SOHLH1: variants seen among roughly 807,000 people sequenced by gnomAD.
The protein encoded by SOHLH1 is spermatogenesis and oogenesis specific basic helix-loop-helix 1, also known as spermatogenesis- and oogenesis-specific basic helix-loop-helix-containing protein 1.
In SOHLH1, 23 loss-of-function variants were observed where a neutral mutation model predicts 36.2. The ratio of observed to expected loss-of-function variants is 0.64; its 90% CI spans 0.46 to 0.90. The LOEUF is 0.90. Ranked by LOEUF, SOHLH1 falls within the 40% of genes least tolerant of loss-of-function variation. SOHLH1 has a pLI of 0.00. For synonymous variants in SOHLH1, 289 were observed against 228.3 expected (o/e 1.27, Z -2.40); for missense variants, 608 against 517.0 (o/e 1.18, Z -1.71).
intron 3 of SOHLH1, 120 bp downstream of exon 3, chr9:135,698,209 C>T: frequency 2.9e-6 from 4 of 1,400,676 alleles, no homozygotes; most frequent in Non-Finnish European, 4.0e-6. Flanking sequence ...CTGCTCTAGC[C>T]GTGGAGACCC....
At chr9:135,698,063 G>A (rs951168215) in intron 3 of SOHLH1, among the ~76,000 whole-genome samples, 1 of 152,146 alleles carries the variant, frequency 6.6e-6, no homozygotes, top group African/African-American at 2.4e-5. Context: ...TTGGCACGGA[G>A]CATCTCGGCA....
chr9:135,694,931 A>G, intron 6 of SOHLH1, 119 bp downstream of exon 6: 1 of 1,152,176 alleles, frequency 8.7e-7, no homozygotes, highest in South Asian at 1.4e-5. Flanking sequence ...AGAAGCAGAG[A>G]CGGAAGCTTC....
rs1231834107 is a variant in SOHLH1, at chr9:135,695,189, G to C, written c.736C>G (p.Pro246Ala). The C allele has an allele frequency of 1.2e-6, 2 of 1,604,882 alleles. No homozygotes were observed. Among genetic ancestry groups the C allele is most frequent in the Non-Finnish European group, 1.7e-6 (2 of 1,177,368 alleles). ...KAVRPPLSWP[P>A]FSQQQTLPVM... ...GGCAAGGTCTGCTGCTGCGAGAACG[G>C]AGGCCAGGACAGGGGTGGCCTCACA... is the stretch of plus-strand genomic sequence containing the variant. Residue 246 changes from proline to alanine, a missense_variant, in exon 6 of 8, where the codon CCG becomes GCG. Pro to Ala is a conservative substitution (Grantham distance 27). Coordinates refer to ENST00000425225, the MANE Select transcript of SOHLH1 (RefSeq NM_001101677.2).
chr9:135,697,778 C>T (rs541880004), intron 3 of SOHLH1, 151 bp from the exon 4 acceptor site: 29 of 953,960 alleles, frequency 3.0e-5, no homozygotes, highest in African/African-American at 2.6e-4. Context: ...AGGTTGACAA[C>T]GAGGCTGAGG....
At chr9:135,696,501 G>C in intron 5 of SOHLH1, 111 bp downstream of exon 5, 1 of 1,170,030 alleles carries the variant, frequency 8.5e-7, no homozygotes, top group Non-Finnish European at 1.1e-6. Context: ...CAAGGGCCTG[G>C]GAAAACTTCG....
chr9:135,699,252 G>T, intron 1 of SOHLH1, 126 bp from the exon 2 acceptor site: 2 of 1,509,414 alleles, frequency 1.3e-6, no homozygotes, highest in Non-Finnish European at 1.8e-6. Flanking sequence ...TAGGGACACG[G>T]CCCGGCCCTC....
upstream of SOHLH1, chr9:135,699,619 C>T: frequency 1.2e-6 from 1 of 817,886 alleles, no homozygotes. Flanking sequence ...TGCGCTCTAG[C>T]CCTCCCCACG....
chr9:135,701,933 C>G (rs1023620630), upstream of SOHLH1, among the ~76,000 whole-genome samples: 2 of 141,998 alleles, frequency 1.4e-5, no homozygotes, highest in African/African-American at 5.2e-5. Context: ...GGTGTAGGGC[C>G]CGGTGGCGGC....
intron 4 of SOHLH1, 22 bp downstream of exon 4, chr9:135,697,484 G>A (rs1360970648): frequency 6.2e-7 from 1 of 1,604,668 alleles, no homozygotes; most frequent in Non-Finnish European, 8.5e-7. Context: ...GCCCTGGAGA[G>A]CGGGCCCCAG....
Position 135,699,428 on chromosome 9 carries a change from T to C in SOHLH1, c.40A>G (p.Arg14Gly), listed in dbSNP as rs367672628. ...TTGCATCCCCTGACGGTAGGGATTC[T>C]GGAGACCTCCGGGTAGGGCTCGGAG... The part of the protein sequence containing the change: ...RCSEPYPEVS[R>G]IPTVRGCNGS... The change falls in exon 1 of 8, where the codon AGA becomes GGA. Residue 14 changes from arginine to glycine, a missense_variant. Physicochemically the swap from Arg to Gly is moderately radical, Grantham distance 125 (BLOSUM62 -2). Coordinates refer to ENST00000425225, the MANE Select transcript of SOHLH1 (RefSeq NM_001101677.2). 146 of 1,612,362 alleles carry C rather than the reference T, an allele frequency of 9.1e-5. 3 individuals are homozygous for C. The South Asian group carries it at 1.5e-3, about 16-fold the overall frequency.
rs751480500 is a variant in SOHLH1 at position 135,694,466 on chromosome 9, G to A, written c.876-9C>T. On this transcript the variant is annotated splice_polypyrimidine_tract_variant and intron_variant, in intron 6 of 7. Coordinates refer to ENST00000425225, the MANE Select transcript of SOHLH1 (RefSeq NM_001101677.2). ...CAGACCCCAACGCAGACCTGGAAGCGACAAGCTCTTCCTCAGTGGCCACAA... is the reference window on the plus strand; with the variant it reads ...CAGACCCCAACGCAGACCTGGAAGCAACAAGCTCTTCCTCAGTGGCCACAA... 4.3e-5 allele frequency: 69 copies of A among 1,612,116 alleles called. No individual in the cohort carries two copies. In the Middle Eastern group the frequency reaches 4.9e-4, roughly 12 times the overall value.
At chr9:135,701,874 A>G (rs917592561), upstream of SOHLH1, among the ~76,000 whole-genome samples, 1 of 152,164 alleles carries the variant, frequency 6.6e-6, no homozygotes, top group Non-Finnish European at 1.5e-5. Context: ...GCTGCCCGCC[A>G]AGGACCCAGA....
rs955106941 is a variant in SOHLH1 at position 135,696,667 on chromosome 9, C to T, written c.606G>A (p.Lys202=). 8.7e-6 allele frequency: 14 copies of T among 1,612,824 alleles called. No homozygotes were observed. Among genetic ancestry groups the T allele is most frequent in the Middle Eastern group, 1.6e-4 (1 of 6,080 alleles). The part of the protein sequence containing the change: ...PASCTSLGTD[K]CEALLGLCQV... ...GGCACAGCCCCAACAGTGCCTCACA[C>T]TTGTCCGTGCCCAGGGACGTGCAGC... Residue 202 remains lysine (K), a synonymous_variant, in exon 5 of 8, where the codon AAG becomes AAA. Coordinates refer to ENST00000425225, the MANE Select transcript of SOHLH1 (RefSeq NM_001101677.2).
At chr9:135,694,485 G>T (rs755967428) in intron 6 of SOHLH1, 28 bp from the exon 7 acceptor site, 1 of 1,610,756 alleles carries the variant, frequency 6.2e-7, no homozygotes, top group South Asian at 1.1e-5. Flanking sequence ...TTCCTCAGTG[G>T]CCACAAGCGG....
intron 6 of SOHLH1, 74 bp downstream of exon 6, chr9:135,694,976 G>A (rs1834729447): frequency 3.5e-6 from 5 of 1,445,870 alleles, no homozygotes; most frequent in Non-Finnish European, 3.8e-6. Flanking sequence ...GCAGGACTGG[G>A]AGGAGGTGGG....
At chr9:135,699,820 T>G (rs1036152205), upstream of SOHLH1, among the ~76,000 whole-genome samples, 8 of 151,842 alleles carry the variant, frequency 5.3e-5, no homozygotes, top group Non-Finnish European at 7.4e-5. Flanking sequence ...TCGGTGCCCT[T>G]GGGCACTTTG....
chr9:135,696,233 C>T (rs567274718), intron 5 of SOHLH1, among the ~76,000 whole-genome samples: 5 of 148,122 alleles, frequency 3.4e-5, no homozygotes, highest in South Asian at 4.4e-4. Context: ...AGTCCCTCTA[C>T]GTCCCCATGC....
chr9:135,700,490 C>T (rs1017396422), upstream of SOHLH1, among the ~76,000 whole-genome samples: 16 of 150,788 alleles, frequency 1.1e-4, no homozygotes, highest in African/African-American at 2.7e-4. Context: ...TGGCCTGGCT[C>T]GTGCTGAGGT....
At position 135,693,475 on chromosome 9, in the gene SOHLH1, C is replaced by A; in HGVS notation, c.*122G>T. 2.3e-6 allele frequency: 3 copies of A among 1,327,030 alleles called. No homozygotes were observed. The highest frequency in any genetic ancestry group is 1.5e-5 in the South Asian group (1 of 65,020). The allele number at this position is 1,327,030 out of a possible 1,614,324, so 82.2% of individuals were successfully genotyped here. A position where few individuals can be genotyped will look rare whatever the true frequency, so the allele number is the denominator to read the frequency against. On this transcript the variant is annotated 3_prime_UTR_variant, in exon 8 of 8. Coordinates refer to ENST00000425225, the MANE Select transcript of SOHLH1 (RefSeq NM_001101677.2). ...CTATCCTCTTCTCACAGCCTGTAAGCCTCGCTCAAATTAGGGTGCAGCTGC... is the reference window on the plus strand; with the variant it reads ...CTATCCTCTTCTCACAGCCTGTAAGACTCGCTCAAATTAGGGTGCAGCTGC...
Sources: allele counts gnomAD v4.1 joint callset (sites outside exome capture counted in the v4.1 genomes callset), GRCh38; gene constraint gnomAD v4.1.1; transcripts MANE v1.5; gene names NCBI Gene and HGNC (gene_info 2026-07-23, HGNC 2026-07-21).